Variants in SEPTIN14 observed in about 807,000 individuals in gnomAD.
The protein encoded by SEPTIN14 is septin-14.
In SEPTIN14, 40 loss-of-function variants were observed where a neutral mutation model predicts 53.6. The ratio of observed to expected loss-of-function variants is 0.75; its 90% CI spans 0.58 to 0.97. The LOEUF is 0.97. Among genes scored for constraint, SEPTIN14 ranks in the 50% least tolerant of loss-of-function variants. The pLI is 0.00. For synonymous variants in SEPTIN14, 138 were observed against 166.8 expected, an observed-to-expected ratio of 0.83 and a Z score of 1.33; for missense variants, 471 against 508.2, an observed-to-expected ratio of 0.93 and a Z score of 0.70.
intron 1 of SEPTIN14, 25 bp from the exon 2 acceptor site, chr7:55,862,036 T>A (rs1192170212): frequency 7.1e-7 from 1 of 1,416,506 alleles, no homozygotes; most frequent in Non-Finnish European, 9.6e-7. Context: ...AAATAAACAT[T>A]TTTAAAAATT....
At chr7:55,858,967 T>TA (rs1165978217) in intron 2 of SEPTIN14, among the ~76,000 whole-genome samples, 1 of 152,042 alleles carries the variant, frequency 6.6e-6, no homozygotes, top group Non-Finnish European at 1.5e-5. Flanking sequence ...GTTTCTATGG[T>TA]TCTACATAAG....
At chr7:55,846,440 T>C in intron 3 of SEPTIN14, 77 bp downstream of exon 3, 2 of 1,063,602 alleles carry the variant, frequency 1.9e-6, no homozygotes, top group Non-Finnish European at 2.7e-6. Flanking sequence ...AGCATCAATG[T>C]TACACTGCTT....
At chr7:55,834,342 TA>T (rs1562714549) in intron 6 of SEPTIN14, 82 bp downstream of exon 6, 2 of 1,039,254 alleles carry the variant, frequency 1.9e-6, no homozygotes, top group Non-Finnish European at 2.7e-6. Context: ...TTTACAAAAT[TA>T]AAAAAATTAA....
intron 7 of SEPTIN14, among the ~76,000 whole-genome samples, chr7:55,814,267 A>T (rs774706284): frequency 6.6e-6 from 1 of 152,182 alleles, no homozygotes; most frequent in Non-Finnish European, 1.5e-5. Flanking sequence ...GATTACAATA[A>T]ATATCTAACT....
chr7:55,822,996 G>T (rs370243766), intron 6 of SEPTIN14, among the ~76,000 whole-genome samples: 1 of 152,036 alleles, frequency 6.6e-6, no homozygotes, highest in Non-Finnish European at 1.5e-5. Context: ...ACAAAAAATT[G>T]CAAGTTAGCT....
chr7:55,822,300 A>T (rs920634663), intron 6 of SEPTIN14, among the ~76,000 whole-genome samples: 1 of 152,178 alleles, frequency 6.6e-6, no homozygotes, highest in Non-Finnish European at 1.5e-5. Context: ...GGATAGAAAG[A>T]CTCAATATTG....
intron 9 of SEPTIN14, among the ~76,000 whole-genome samples, chr7:55,800,786 C>CAA (rs1788512086): frequency 6.6e-6 from 1 of 152,076 alleles, no homozygotes; most frequent in African/African-American, 2.4e-5. Context: ...AACAGGGTCA[C>CAA]TATACACAAT....
intron 9 of SEPTIN14, among the ~76,000 whole-genome samples, chr7:55,801,717 C>T (rs1187997846): frequency 3.3e-5 from 5 of 151,626 alleles, no homozygotes; most frequent in Middle Eastern, 3.4e-3. Context: ...CTCAGGAGTT[C>T]GAGACCAGCC....
At chr7:55,842,028 A>T (rs988620015) in intron 5 of SEPTIN14, among the ~76,000 whole-genome samples, 1 of 151,882 alleles carries the variant, frequency 6.6e-6, no homozygotes, top group Non-Finnish European at 1.5e-5. Flanking sequence ...GTAAGACTCC[A>T]TCTCAAAATA....
At chr7:55,849,284 C>A (rs1047727273) in intron 2 of SEPTIN14, among the ~76,000 whole-genome samples, 1 of 151,378 alleles carries the variant, frequency 6.6e-6, no homozygotes, top group Non-Finnish European at 1.5e-5. Flanking sequence ...GAAATCGGAC[C>A]ACTGCATTCC....
intron 6 of SEPTIN14, among the ~76,000 whole-genome samples, chr7:55,819,976 A>G (rs1384824411): frequency 6.6e-6 from 1 of 152,036 alleles, no homozygotes; most frequent in East Asian, 1.9e-4. Context: ...TACTTTAATA[A>G]GCAATACTGT....
intron 8 of SEPTIN14, among the ~76,000 whole-genome samples, chr7:55,805,665 A>G (rs773180003): frequency 4.6e-5 from 7 of 152,226 alleles, no homozygotes; most frequent in Non-Finnish European, 8.8e-5. Flanking sequence ...TTTCCATATC[A>G]TAAGATGTAA....
At chr7:55,837,641 T>C (rs549019371) in intron 5 of SEPTIN14, among the ~76,000 whole-genome samples, 1 of 152,158 alleles carries the variant, frequency 6.6e-6, no homozygotes, top group East Asian at 1.9e-4. Context: ...TGAAGTGCAA[T>C]GGCGTGATCT....
chr7:55,815,054 C>T (rs1216359613), intron 7 of SEPTIN14, among the ~76,000 whole-genome samples: 7 of 152,176 alleles, frequency 4.6e-5, no homozygotes, highest in African/African-American at 1.7e-4. Context: ...AGGATAAGCG[C>T]TTCAATAAAT....
chr7:55,829,389 A>AG (rs1789052382), intron 6 of SEPTIN14, among the ~76,000 whole-genome samples: 1 of 151,154 alleles, frequency 6.6e-6, no homozygotes, highest in East Asian at 1.9e-4. Context: ...AAAAAAAAAA[A>AG]AGAAAGAAAG....
intron 9 of SEPTIN14, chr7:55,798,622 C>T (rs566013391): frequency 1.1e-5 from 4 of 353,878 alleles, no homozygotes; most frequent in Non-Finnish European, 1.7e-5. Context: ...TCCGGCAGCC[C>T]GTGAGTGGCA....
chr7:55,830,802 C>T (rs896948195), intron 6 of SEPTIN14, among the ~76,000 whole-genome samples: 5 of 151,850 alleles, frequency 3.3e-5, no homozygotes, highest in Non-Finnish European at 7.4e-5. Context: ...AGACCAATAA[C>T]AAGTAATGAA....
At chr7:55,798,620 C>G (rs1788473288) in intron 9 of SEPTIN14, 5 of 356,112 alleles carry the variant, frequency 1.4e-5, no homozygotes, top group South Asian at 1.2e-4. Context: ...CATCCGGCAG[C>G]CCGTGAGTGG....
intron 7 of SEPTIN14, among the ~76,000 whole-genome samples, chr7:55,813,470 A>G (rs1192652697): frequency 6.6e-6 from 1 of 152,178 alleles, no homozygotes; most frequent in Non-Finnish European, 1.5e-5. Context: ...GTGACCCAGC[A>G]AGACACCAGT....
Sources: gnomAD v4.1 joint callset for allele counts (sites outside exome capture counted in the v4.1 genomes callset) on GRCh38, gnomAD v4.1.1 for gene constraint, MANE v1.5 for transcripts, NCBI Gene and HGNC (gene_info 2026-07-23, HGNC 2026-07-21) for gene names.